Variants in TUSC3 observed in about 807,000 individuals in gnomAD.
TUSC3 encodes dolichyl-diphosphooligosaccharide--protein glycosyltransferase subunit TUSC3.
Under a neutral mutation model 44.8 loss-of-function variants are expected in TUSC3, and 45 were observed. The observed-to-expected ratio is 1.00, with a 90% CI of 0.79 to 1.29. The LOEUF is 1.29. Among genes scored for constraint, TUSC3 ranks in the 50% most tolerant of loss-of-function variants. The pLI is 0.00. For missense variants in TUSC3, 519 were observed against 437.9 expected (o/e 1.19, Z -1.65); for synonymous variants, 212 against 152.9 (o/e 1.39, Z -2.85).
the TUSC3 span, among the ~76,000 whole-genome samples, chr8:15,827,731 C>A: frequency 6.6e-6 from 1 of 151,930 alleles, no homozygotes; most frequent in Admixed American, 6.6e-5. Context: ...ACCATTTGCC[C>A]CAGAAAAAGC....
chr8:15,423,988 T>G (rs866545426), intron 1 of TUSC3, among the ~76,000 whole-genome samples: 30,206 of 109,554 alleles, frequency 0.28, 6,179 homozygotes, highest in African/African-American at 0.46. Flanking sequence ...TTTTTTTTTT[T>G]TTTTTTTTTT....
At chr8:15,800,128 A>G in the TUSC3 span, among the ~76,000 whole-genome samples, 1 of 152,204 alleles carries the variant, frequency 6.6e-6, no homozygotes, top group Admixed American at 6.5e-5. Flanking sequence ...CTCTATATCC[A>G]TAGCTGCTCC....
intron 2 of TUSC3, among the ~76,000 whole-genome samples, chr8:15,489,730 G>A (rs11985460): frequency 0.027 from 4,121 of 152,230 alleles, 185 homozygotes; most frequent in African/African-American, 0.093. Context: ...AGTTGCGCAT[G>A]AATTCAAAAG....
chr8:15,769,326 G>T (rs1585320029), downstream of TUSC3, among the ~76,000 whole-genome samples: 1 of 152,096 alleles, frequency 6.6e-6, no homozygotes, highest in Non-Finnish European at 1.5e-5. Context: ...AAACAATGGG[G>T]AAAGGATTCC....
At position 15,694,387 on chromosome 8, in the gene TUSC3, G is replaced by A. The variant is rs974030998; in HGVS notation, c.798+20551G>A. 3.9e-5 allele frequency among the ~76,000 whole-genome samples: 5 copies of A among 129,116 alleles called. No individual in the cohort carries two copies. The South Asian group carries it at 1.0e-3, about 26-fold the overall frequency. 84.7% of individuals were successfully genotyped at this position (129,116 alleles called of 152,430 possible). Reference sequence around the variant, plus strand: ...AACCTGGGAGGCTGCAATAAGCCGAGATCACGCCATTGCACTCCAGCGTGA... The same window carrying A: ...AACCTGGGAGGCTGCAATAAGCCGAAATCACGCCATTGCACTCCAGCGTGA... On this transcript the variant is annotated intron_variant, in intron 6 of 10. Coordinates refer to ENST00000503731, the MANE Select transcript of TUSC3 (RefSeq NM_006765.4).
Position 15,764,415 on chromosome 8 carries a change from CAA to C in TUSC3, c.*261_*262del. 2 of 550,290 alleles carry C rather than the reference CAA, an allele frequency of 3.6e-6. No individual in the cohort carries two copies. Among genetic ancestry groups the C allele is most frequent in the Admixed American group, 3.3e-5 (1 of 30,648 alleles). The allele number at this position is 550,290 out of a possible 1,614,324, so 34.1% of individuals were successfully genotyped here. A position where few individuals can be genotyped will look rare whatever the true frequency, so the allele number is the denominator to read the frequency against. Reference sequence around the variant, plus strand: ...ATTTAGTAATCTACAAAGGAAATATCAAAGTGTTTTTCAAGCCTGTTATATTC... The same window carrying C: ...ATTTAGTAATCTACAAAGGAAATATCAGTGTTTTTCAAGCCTGTTATATTC... On this transcript the variant is annotated 3_prime_UTR_variant, in exon 11 of 11. Transcript: ENST00000503731.
At chr8:15,498,424 T>G (rs1481975203) in intron 2 of TUSC3, among the ~76,000 whole-genome samples, 1 of 152,184 alleles carries the variant, frequency 6.6e-6, no homozygotes, top group Non-Finnish European at 1.5e-5. Context: ...AAAATAGTAC[T>G]GTAGGAGAAC....
At chr8:15,776,736 T>G in the TUSC3 span, among the ~76,000 whole-genome samples, 1 of 152,166 alleles carries the variant, frequency 6.6e-6, no homozygotes, top group Admixed American at 6.5e-5. Flanking sequence ...TTACCAATTG[T>G]GCTATATTCT....
chr8:15,524,980 A>T (rs1323178250), intron 2 of TUSC3, among the ~76,000 whole-genome samples: 1 of 152,248 alleles, frequency 6.6e-6, no homozygotes. Context: ...GCTTGCCCAG[A>T]CGTTAGAATA....
chr8:15,515,945 A>C (rs1801211095), intron 2 of TUSC3, among the ~76,000 whole-genome samples: 1 of 152,144 alleles, frequency 6.6e-6, no homozygotes, highest in Non-Finnish European at 1.5e-5. Flanking sequence ...CTGGGATTAG[A>C]GGCATGAGCC....
At chr8:15,773,506 A>C in the TUSC3 span, among the ~76,000 whole-genome samples, 2 of 152,226 alleles carry the variant, frequency 1.3e-5, no homozygotes, top group African/African-American at 2.4e-5. Context: ...TAATACTGTT[A>C]AGATGGAAAT....
chr8:15,454,316 C>G (rs1387912328), intron 1 of TUSC3, among the ~76,000 whole-genome samples: 1 of 152,162 alleles, frequency 6.6e-6, no homozygotes, highest in Non-Finnish European at 1.5e-5. Flanking sequence ...TACTGTAAAA[C>G]CTGCCCTGCT....
chr8:15,583,066 C>G (rs1000176628), intron 1 of TUSC3, among the ~76,000 whole-genome samples: 4 of 152,076 alleles, frequency 2.6e-5, no homozygotes, highest in Admixed American at 6.5e-5. Context: ...ATCAATATGA[C>G]TGGAATACAA....
chr8:15,721,126 T>A (rs939199331), intron 6 of TUSC3, among the ~76,000 whole-genome samples: 1 of 152,072 alleles, frequency 6.6e-6, no homozygotes, highest in African/African-American at 2.4e-5. Context: ...CATCTTTTTT[T>A]ATCTCCTAAT....
chr8:15,749,101 C>T (rs1302796113), intron 9 of TUSC3, among the ~76,000 whole-genome samples: 1 of 141,212 alleles, frequency 7.1e-6, no homozygotes, highest in Non-Finnish European at 1.5e-5. Context: ...TGAGCTTTTT[C>T]CTCCTTCAAG....
chr8:15,418,134 A>T (rs1339647941), intron 1 of TUSC3, among the ~76,000 whole-genome samples: 1 of 152,172 alleles, frequency 6.6e-6, no homozygotes. Context: ...ACAATAAATC[A>T]GCTCATCAAC....
intron 2 of TUSC3, among the ~76,000 whole-genome samples, chr8:15,514,026 A>C (rs1801177860): frequency 6.6e-6 from 1 of 152,152 alleles, no homozygotes. Flanking sequence ...AAAGGAACAT[A>C]ACCAGTACTT....
intron 1 of TUSC3, among the ~76,000 whole-genome samples, chr8:15,562,378 G>A (rs777356792): frequency 6.6e-6 from 1 of 152,138 alleles, no homozygotes; most frequent in East Asian, 1.9e-4. Flanking sequence ...CCCTTAAGAT[G>A]AGTAATCCAC....
the TUSC3 span, among the ~76,000 whole-genome samples, chr8:15,791,914 C>G: frequency 1.3e-5 from 2 of 152,118 alleles, no homozygotes; most frequent in Non-Finnish European, 2.9e-5. Flanking sequence ...CATCTCTCTT[C>G]CAGTGTGAAA....
Sources: allele counts gnomAD v4.1 joint callset (sites outside exome capture counted in the v4.1 genomes callset), GRCh38; gene constraint gnomAD v4.1.1; transcripts MANE v1.5; gene names NCBI Gene and HGNC (gene_info 2026-07-23, HGNC 2026-07-21).